The following IMPG2 variants were observed in gnomAD, a reference collection of about 807,000 sequenced individuals.
The protein encoded by IMPG2 is IPM 200.
Under a neutral mutation model 129.2 loss-of-function variants are expected in IMPG2, and 91 were observed. The observed-to-expected ratio is 0.70, with a 90% CI of 0.59 to 0.84. The LOEUF is 0.84. Among genes scored for constraint, IMPG2 ranks in the 40% least tolerant of loss-of-function variants. IMPG2 has a pLI of 0.00. For synonymous variants in IMPG2, 510 were observed against 517.7 expected, an observed-to-expected ratio of 0.99 and a Z score of 0.20; for missense variants, 1,430 against 1,461.7, an observed-to-expected ratio of 0.98 and a Z score of 0.35.
intron 3 of IMPG2, among the ~76,000 whole-genome samples, chr3:101,301,846 C>T (rs1054960490): frequency 6.6e-6 from 1 of 152,174 alleles, no homozygotes; most frequent in South Asian, 2.1e-4. Context: ...ATAATCCATC[C>T]TATGCTATGT....
intron 2 of IMPG2, among the ~76,000 whole-genome samples, chr3:101,310,861 T>C (rs1707257160): frequency 6.6e-6 from 1 of 152,170 alleles, no homozygotes; most frequent in African/African-American, 2.4e-5. Context: ...ACAAGCTGTC[T>C]CCTATAAATT....
At chr3:101,238,133 C>G (rs1418743786) in intron 14 of IMPG2, among the ~76,000 whole-genome samples, 1 of 151,604 alleles carries the variant, frequency 6.6e-6, no homozygotes, top group Non-Finnish European at 1.5e-5. Flanking sequence ...GATTGAAGAT[C>G]AACTTAATGA....
chr3:101,260,563 G>A (rs1706658397), intron 9 of IMPG2, among the ~76,000 whole-genome samples: 2 of 152,092 alleles, frequency 1.3e-5, no homozygotes, highest in African/African-American at 4.8e-5. Flanking sequence ...CAGTCATTCT[G>A]ATAGACTGGC....
intron 18 of IMPG2, among the ~76,000 whole-genome samples, chr3:101,227,529 A>G (rs1467398092): frequency 6.6e-6 from 1 of 152,232 alleles, no homozygotes; most frequent in African/African-American, 2.4e-5. Context: ...AATTCAGTGA[A>G]CACATTCAGG....
chr3:101,264,533 T>C (rs1706702590), intron 9 of IMPG2, among the ~76,000 whole-genome samples: 1 of 151,840 alleles, frequency 6.6e-6, no homozygotes, highest in South Asian at 2.1e-4. Context: ...AAAAATTAGG[T>C]AGAGGAAAAG....
rs745731539 is a variant in IMPG2, at chr3:101,276,707, T to A, written c.540A>T (p.Glu180Asp). Residue 180 changes from glutamate to aspartate, a missense_variant, in exon 5 of 19, where the codon GAA becomes GAT. Glu to Asp is a conservative substitution (Grantham distance 45). Coordinates refer to ENST00000193391, the MANE Select transcript of IMPG2 (RefSeq NM_016247.4). ...TYAKETVSSS[E>D]LSSPVPVGDT... Reference sequence around the variant, plus strand: ...CACCAACAGGAACTGGAGAAGACAGTTCAGAGCTAGAAAAAAAAATGTTTG... The same window carrying A: ...CACCAACAGGAACTGGAGAAGACAGATCAGAGCTAGAAAAAAAAATGTTTG... The A allele has an allele frequency of 1.2e-6, 2 of 1,609,246 alleles. No homozygotes were observed. Among genetic ancestry groups the A allele is most frequent in the South Asian group, 2.2e-5 (2 of 90,850 alleles).
chr3:101,313,095 C>T (rs1396091780), intron 2 of IMPG2, among the ~76,000 whole-genome samples: 1 of 152,008 alleles, frequency 6.6e-6, no homozygotes, highest in Non-Finnish European at 1.5e-5. Context: ...TTGTATCAAA[C>T]TTGAATTACA....
intron 2 of IMPG2, among the ~76,000 whole-genome samples, chr3:101,315,128 T>C (rs879298068): frequency 4.6e-5 from 7 of 152,202 alleles, no homozygotes; most frequent in Admixed American, 2.6e-4. Context: ...CGAACAACAG[T>C]AATAAATAAA....
In IMPG2 at chr3:101,251,982, G is replaced by A. The variant is rs190311530; in HGVS notation, c.1239+1714C>T. The stretch of plus-strand genomic sequence containing the variant: ...TTTTCATGTCTTATCTCCCATTAAC[G>A]TTCTGATGTCTCCTTCAATTGTTAA... On this transcript the variant is annotated intron_variant, in intron 11 of 18. Transcript: ENST00000193391. 6.6e-5 allele frequency among the ~76,000 whole-genome samples: 10 copies of A among 152,160 alleles called. No individual in the cohort carries two copies. The East Asian group carries it at 1.4e-3, about 21-fold the overall frequency.
At chr3:101,265,325 G>T (rs926366540) in intron 9 of IMPG2, among the ~76,000 whole-genome samples, 1 of 152,100 alleles carries the variant, frequency 6.6e-6, no homozygotes, top group African/African-American at 2.4e-5. Flanking sequence ...CATCAAAACA[G>T]CCTGGTACTA....
chr3:101,271,597 G>T (rs1171046182), intron 7 of IMPG2, among the ~76,000 whole-genome samples: 1 of 152,166 alleles, frequency 6.6e-6, no homozygotes, highest in Admixed American at 6.5e-5. Flanking sequence ...CACACATTTG[G>T]TAAGTGACTG....
intron 3 of IMPG2, among the ~76,000 whole-genome samples, chr3:101,300,024 C>A (rs1707122964): frequency 6.6e-6 from 1 of 152,218 alleles, no homozygotes; most frequent in African/African-American, 2.4e-5. Context: ...TACCCGTCCG[C>A]AGAGACTGTG....
chr3:101,255,766 T>G (rs1339111121), intron 10 of IMPG2, among the ~76,000 whole-genome samples: 1 of 152,096 alleles, frequency 6.6e-6, no homozygotes, highest in East Asian at 1.9e-4. Context: ...CTATTTTATC[T>G]AGCCCTAGTA....
chr3:101,275,148 T>G (rs1275121465), intron 6 of IMPG2, among the ~76,000 whole-genome samples: 1 of 152,130 alleles, frequency 6.6e-6, no homozygotes, highest in African/African-American at 2.4e-5. Flanking sequence ...GTTTCTATAT[T>G]CCTGGGCGAT....
chr3:101,253,106 A>G (rs79145472), intron 11 of IMPG2, among the ~76,000 whole-genome samples: 3 of 152,162 alleles, frequency 2.0e-5, no homozygotes, highest in Non-Finnish European at 2.9e-5. Context: ...GGAATTCCTG[A>G]TGCATCTGGG....
At chr3:101,241,465 G>A (rs1251315705) in intron 14 of IMPG2, among the ~76,000 whole-genome samples, 4 of 152,110 alleles carry the variant, frequency 2.6e-5, no homozygotes, top group Non-Finnish European at 5.9e-5. Flanking sequence ...ATTGGATATC[G>A]GGGAAGAAGA....
In IMPG2 at chr3:101,224,524, T is replaced by G. The variant is rs1419263560; in HGVS notation, c.*2445A>C. 1.3e-5 allele frequency: 2 copies of G among 152,242 alleles called. No homozygotes were observed. Among genetic ancestry groups the G allele is most frequent in the East Asian group, 1.9e-4 (1 of 5,202 alleles). 9.4% of individuals were successfully genotyped at this position (152,242 alleles called of 1,614,324 possible). On this transcript the variant is annotated 3_prime_UTR_variant, in exon 19 of 19. Coordinates refer to ENST00000193391, the MANE Select transcript of IMPG2 (RefSeq NM_016247.4). ...TAAATGACAGTTCAGCCTAAGACTT[T>G]TAAATGATGACATGCCATTAAATCA...
chr3:101,295,793 G>A (rs1472736636), intron 3 of IMPG2, among the ~76,000 whole-genome samples: 1 of 152,126 alleles, frequency 6.6e-6, no homozygotes, highest in East Asian at 1.9e-4. Flanking sequence ...CTTGTTAGCT[G>A]TATTCCTAGG....
intron 10 of IMPG2, among the ~76,000 whole-genome samples, chr3:101,254,333 GC>G (rs1706576420): frequency 6.6e-6 from 1 of 152,046 alleles, no homozygotes; most frequent in Non-Finnish European, 1.5e-5. Context: ...GTTACCACAG[GC>G]TTTGCCAAAG....
Sources: allele counts gnomAD v4.1 joint callset (sites outside exome capture counted in the v4.1 genomes callset), GRCh38; gene constraint gnomAD v4.1.1; transcripts MANE v1.5; gene names NCBI Gene and HGNC (gene_info 2026-07-23, HGNC 2026-07-21).